Variants in HEATR5A observed in about 807,000 individuals in gnomAD.
HEATR5A encodes HEAT repeat containing 5A.
Under a neutral mutation model 218.8 loss-of-function variants are expected in HEATR5A, and 178 were observed. The observed-to-expected ratio is 0.81, with a 90% CI of 0.72 to 0.92. The LOEUF is 0.92. Among genes scored for constraint, HEATR5A ranks in the 40% least tolerant of loss-of-function variants. HEATR5A has a pLI of 0.00. For missense variants in HEATR5A, 2,420 were observed against 2,418.9 expected, an observed-to-expected ratio of 1.00 and a Z score of -0.01; for synonymous variants, 864 against 871.6, an observed-to-expected ratio of 0.99 and a Z score of 0.15.
At chr14:31,375,240 T>G (rs1409399141) in intron 11 of HEATR5A, among the ~76,000 whole-genome samples, 2 of 152,242 alleles carry the variant, frequency 1.3e-5, no homozygotes, top group East Asian at 3.8e-4. Flanking sequence ...AGACTCAGTT[T>G]CGTCTACATA....
chr14:31,387,613 G>A (rs2030283132), intron 7 of HEATR5A, among the ~76,000 whole-genome samples: 1 of 148,346 alleles, frequency 6.7e-6, no homozygotes. Context: ...AGGCTGGAAT[G>A]CAGTGGTGCA....
chr14:31,393,969 AG>A, intron 6 of HEATR5A, 82 bp downstream of exon 6: 2 of 894,572 alleles, frequency 2.2e-6, no homozygotes, highest in Non-Finnish European at 3.3e-6. Context: ...TATAACGGGT[AG>A]CAATAACACT....
chr14:31,307,656 C>T (rs1184362711), intron 30 of HEATR5A, among the ~76,000 whole-genome samples: 1 of 152,126 alleles, frequency 6.6e-6, no homozygotes, highest in African/African-American at 2.4e-5. Flanking sequence ...CAATATAGAA[C>T]CCTCCCATCA....
In HEATR5A at chr14:31,383,710, T is replaced by G. The variant is rs1358381178; in HGVS notation, c.1407A>C (p.Ala469=). Residue 469 remains alanine (A), a synonymous_variant, in exon 10 of 36, where the codon GCA becomes GCC. Transcript: ENST00000543095. ...CGGCAATGCAGTGTAAACACCAAGC[T>G]GCTGCTAGTCGAACAGAAATGCTAG... ...LHPSISVRLA[A]AWCLHCIAVA... 1.2e-6 allele frequency: 2 copies of G among 1,613,802 alleles called. No individual in the cohort carries two copies.
intron 13 of HEATR5A, among the ~76,000 whole-genome samples, chr14:31,366,133 G>C (rs554970770): frequency 1.2e-4 from 19 of 152,234 alleles, no homozygotes; most frequent in Admixed American, 1.1e-3. Context: ...GTAAGGCCAG[G>C]CATGGTGGCT....
In HEATR5A at chr14:31,304,918, C is replaced by T. The variant is rs541200789; in HGVS notation, c.5226G>A (p.Val1742=). The change falls in exon 32 of 36, where the codon GTG becomes GTA. Residue 1742 remains valine, a synonymous_variant. Transcript: ENST00000543095. ...ACCACAGCATACCTTCAGGAGAGCA[C>T]ACTGCAGGAAGTTCGGAAAGGATAA... ...ALVILSELPA[V]CSPEGSISIL... 2 of 1,613,912 alleles carry T rather than the reference C, an allele frequency of 1.2e-6. No homozygotes were observed. Among genetic ancestry groups the T allele is most frequent in the African/African-American group, 2.7e-5 (2 of 75,038 alleles).
At chr14:31,368,104 C>A (rs557443540) in intron 13 of HEATR5A, among the ~76,000 whole-genome samples, 1 of 152,084 alleles carries the variant, frequency 6.6e-6, no homozygotes, top group South Asian at 2.1e-4. Flanking sequence ...GTGTTCAGGT[C>A]GTGAAGGCAA....
rs192840950 is a variant in HEATR5A, at chr14:31,371,907, T to C, written c.1864A>G (p.Ile622Val). Residue 622 changes from isoleucine to valine, a missense_variant and splice_region_variant, in exon 13 of 36, where the codon ATC becomes GTC. Ile to Val is a conservative substitution (Grantham distance 29, BLOSUM62 3). Coordinates refer to ENST00000543095, the MANE Select transcript of HEATR5A (RefSeq NM_015473.4). Reference sequence around the variant, plus strand: ...CCACAGTGGGAAACAAAGCTCTTGATAGCTGAAAAGGAAAACAGACTTTTA... The same window carrying C: ...CCACAGTGGGAAACAAAGCTCTTGACAGCTGAAAAGGAAAACAGACTTTTA... ...LEGRAGALCA[I>V]KSFVSHCGDL... 59 of 1,502,014 alleles carry C rather than the reference T, an allele frequency of 3.9e-5. No homozygotes were observed. In the East Asian group the frequency reaches 1.2e-3, roughly 32 times the overall value. The allele number at this position is 1,502,014 out of a possible 1,614,324, so 93.0% of individuals were successfully genotyped here. A position where few individuals can be genotyped will look rare whatever the true frequency, so the allele number is the denominator to read the frequency against.
intron 21 of HEATR5A, 56 bp downstream of exon 21, chr14:31,343,840 T>A (rs1900923745): frequency 7.3e-7 from 1 of 1,371,340 alleles, no homozygotes. Flanking sequence ...TGTACTGGAA[T>A]AAATCTAAGA....
At chr14:31,390,275 T>C (rs560210235) in intron 6 of HEATR5A, among the ~76,000 whole-genome samples, 17 of 152,170 alleles carry the variant, frequency 1.1e-4, no homozygotes, top group Admixed American at 2.0e-4. Context: ...AGGCTGTGAC[T>C]GAAATGAGGT....
chr14:31,407,029 C>T, intron 1 of HEATR5A, among the ~76,000 whole-genome samples: 1 of 149,764 alleles, frequency 6.7e-6, no homozygotes, highest in African/African-American at 2.5e-5. Flanking sequence ...GTGGCTCACG[C>T]CTATAATCCC....
Position 31,306,821 on chromosome 14 carries a change from G to A in HEATR5A, c.4877C>T (p.Pro1626Leu). The A allele has an allele frequency of 6.2e-7, 1 of 1,613,598 alleles. No homozygotes were observed. The highest frequency in any genetic ancestry group is 8.5e-7 in the Non-Finnish European group (1 of 1,179,636). Residue 1626 changes from proline (P) to leucine (L), a missense_variant, in exon 31 of 36, where the codon CCT becomes CTT. Physicochemically the swap from Pro to Leu is moderately conservative, Grantham distance 98 (BLOSUM62 -3). Transcript: ENST00000543095. Reference protein sequence around the residue: ...LHRVILTRESPSIQLASLEVV... With the variant: ...LHRVILTRESLSIQLASLEVV... Reference sequence around the variant, plus strand: ...TTCAAGTGAAGCCAACTGAATGGAAGGTGATTCTCTGGTTAAAATTACTCG... The same window carrying A: ...TTCAAGTGAAGCCAACTGAATGGAAAGTGATTCTCTGGTTAAAATTACTCG...
At chr14:31,299,495 G>A (rs937417149) in intron 33 of HEATR5A, among the ~76,000 whole-genome samples, 13 of 152,042 alleles carry the variant, frequency 8.6e-5, no homozygotes, top group African/African-American at 1.7e-4. Context: ...CAAGGTGGGC[G>A]GATCATCTGA....
In HEATR5A at chr14:31,345,260, G is replaced by T; in HGVS notation, c.2885C>A (p.Ser962Tyr). ...SPDVQTWALH[S>Y]LSLIIDSAGP... is the part of the protein sequence containing the mutation. The stretch of plus-strand genomic sequence containing the variant: ...AGCAGAATCAATGATCAATGATAGA[G>T]AATGTAATGCCCAGGTCTGTAATGA... The change falls in exon 20 of 36, where the codon TCT becomes TAT. Residue 962 changes from serine to tyrosine, a missense_variant. Ser to Tyr is a moderately radical substitution (Grantham distance 144, BLOSUM62 -2). Transcript: ENST00000543095. 1 of 1,611,116 alleles carries T rather than the reference G, an allele frequency of 6.2e-7. No individual in the cohort carries two copies. Among genetic ancestry groups the T allele is most frequent in the Non-Finnish European group, 8.5e-7 (1 of 1,178,120 alleles).
chr14:31,409,543 T>C (rs189376666), intron 1 of HEATR5A, among the ~76,000 whole-genome samples: 65 of 152,158 alleles, frequency 4.3e-4, no homozygotes, highest in African/African-American at 1.5e-3. Context: ...CCACAAAACA[T>C]ACAAAAGTTA....
intron 14 of HEATR5A, 118 bp from the exon 15 acceptor site, chr14:31,359,175 A>C: frequency 1.1e-6 from 1 of 922,826 alleles, no homozygotes; most frequent in Non-Finnish European, 1.6e-6. Context: ...TATCACAGCC[A>C]AAAGACTGTA....
At chr14:31,314,353 A>G (rs1176103239) in intron 27 of HEATR5A, among the ~76,000 whole-genome samples, 2 of 152,038 alleles carry the variant, frequency 1.3e-5, no homozygotes, top group African/African-American at 4.8e-5. Context: ...CCCGGGTTCA[A>G]GCAATTCTCC....
chr14:31,305,158 T>C lies in HEATR5A; in HGVS notation c.4986A>G (p.Glu1662=), dbSNP rs769775265. The C allele has an allele frequency of 8.7e-6, 14 of 1,613,856 alleles. No individual in the cohort carries two copies. The highest frequency in any genetic ancestry group is 1.2e-5 in the Non-Finnish European group (14 of 1,179,866). The change falls in exon 32 of 36, where the codon GAA becomes GAG. Residue 1662 remains glutamate (E), a synonymous_variant. Coordinates refer to ENST00000543095, the MANE Select transcript of HEATR5A (RefSeq NM_015473.4). ...CTCCAAACTCTGGCAGAGTTTCCTT[T>C]TCAGCAGCCCCATCATCAACTAAAA... ...RSAEVDDGAA[E]KETLPEFGEG...
chr14:31,311,185 T>A (rs1358210831), intron 28 of HEATR5A, among the ~76,000 whole-genome samples: 4 of 152,156 alleles, frequency 2.6e-5, no homozygotes, highest in Non-Finnish European at 5.9e-5. Flanking sequence ...TGAAGAAGAT[T>A]AAGAGCGGCT....
Sources: allele counts gnomAD v4.1 joint callset (sites outside exome capture counted in the v4.1 genomes callset), GRCh38; gene constraint gnomAD v4.1.1; transcripts MANE v1.5; gene names NCBI Gene and HGNC (gene_info 2026-07-23, HGNC 2026-07-21).